The following GLG1 variants were observed in gnomAD, a reference collection of about 807,000 sequenced individuals.
The protein encoded by GLG1 is golgi glycoprotein 1.
GLG1 carries 38 observed loss-of-function variants against 160.5 expected under a neutral mutation model. The ratio of observed to expected loss-of-function variants is 0.24; its 90% CI spans 0.18 to 0.31. GLG1 has a LOEUF of 0.31. Among genes scored for constraint, GLG1 ranks in the 10% least tolerant of loss-of-function variants. The probability of loss-of-function intolerance (pLI) is 1.00; values close to 1 mark genes in which losing one functional copy is unlikely to be tolerated. For missense variants in GLG1, 1,373 were observed against 1,505.2 expected (o/e 0.91, Z 1.45); for synonymous variants, 644 against 543.4 (o/e 1.19, Z -2.57).
chr16:74,572,311 G>A (rs1174820536), intron 1 of GLG1, among the ~76,000 whole-genome samples: 2 of 152,140 alleles, frequency 1.3e-5, no homozygotes, highest in Non-Finnish European at 2.9e-5. Context: ...AGGAGTTCAA[G>A]ACAAGCCTGG....
At chr16:74,543,390 C>G (rs2017957506) in intron 1 of GLG1, among the ~76,000 whole-genome samples, 4 of 152,182 alleles carry the variant, frequency 2.6e-5, no homozygotes, top group African/African-American at 7.2e-5. Context: ...TTTCTTAAGA[C>G]CAGGAGTTGG....
chr16:74,489,421 A>G (rs1448739445), intron 8 of GLG1, among the ~76,000 whole-genome samples: 1 of 151,644 alleles, frequency 6.6e-6, no homozygotes, highest in Admixed American at 6.6e-5. Flanking sequence ...CTATGAGCAG[A>G]GGTTGCGCCA....
intron 1 of GLG1, among the ~76,000 whole-genome samples, chr16:74,581,669 G>A (rs560346265): frequency 6.6e-5 from 10 of 152,172 alleles, no homozygotes; most frequent in South Asian, 2.1e-4. Context: ...CCAGCACCTC[G>A]GGATGTTGAG....
intron 9 of GLG1, among the ~76,000 whole-genome samples, chr16:74,485,250 G>C (rs560623703): frequency 6.6e-6 from 1 of 152,286 alleles, no homozygotes; most frequent in East Asian, 1.9e-4. Flanking sequence ...TAAAACTAAA[G>C]AATGAGAATA....
intron 8 of GLG1, 110 bp from the exon 9 acceptor site, chr16:74,486,027 A>G (rs2143343497): frequency 1.2e-6 from 1 of 800,628 alleles, no homozygotes; most frequent in Non-Finnish European, 2.0e-6. Context: ...ATGTACTCCA[A>G]TAAAGTTGTC....
At chr16:74,574,892 A>G (rs1360666679) in intron 1 of GLG1, among the ~76,000 whole-genome samples, 1 of 87,488 alleles carries the variant, frequency 1.1e-5, no homozygotes, top group African/African-American at 3.9e-5. Flanking sequence ...TCAAAAAAAA[A>G]AAAAAAAAAA....
chr16:74,466,311 T>C (rs967823936), intron 18 of GLG1, among the ~76,000 whole-genome samples: 4 of 152,126 alleles, frequency 2.6e-5, no homozygotes, highest in African/African-American at 9.7e-5. Flanking sequence ...GTAACTATGA[T>C]TAGAAAAAGA....
Position 74,491,093 on chromosome 16 carries a change from A to T in GLG1, c.1357T>A (p.Ser453Thr). 1 of 1,614,102 alleles carries T rather than the reference A, an allele frequency of 6.2e-7. No individual in the cohort carries two copies. The highest frequency in any genetic ancestry group is 1.1e-5 in the South Asian group (1 of 91,082). Residue 453 changes from serine to threonine, a missense_variant, in exon 8 of 26, where the codon TCC becomes ACC. Ser to Thr is a moderately conservative substitution (Grantham distance 58). Transcript: ENST00000422840. Reference sequence around the variant, plus strand: ...GTCCGCCCTTTTCGATGTAATCCGGAACAATGGTGTTCAATCTCCCCCCGA... The same window carrying T: ...GTCCGCCCTTTTCGATGTAATCCGGTACAATGGTGTTCAATCTCCCCCCGA... ...SCRGEIEHHC[S>T]GLHRKGRTLH... is the part of the protein sequence containing the mutation.
At position 74,465,822 on chromosome 16, in the gene GLG1, A is replaced by G. The variant is rs374671987; in HGVS notation, c.2530-9T>C. On this transcript the variant is annotated splice_polypyrimidine_tract_variant and intron_variant, in intron 18 of 25. Transcript: ENST00000422840. ...TTCAGACATTCGATAATCTATGGCA[A>G]AAGAGTTATAGTCAAGTTGAGAGAT... The G allele has an allele frequency of 8.7e-6, 14 of 1,613,142 alleles. No homozygotes were observed. The highest frequency in any genetic ancestry group is 6.7e-5 in the African/African-American group (5 of 75,022).
chr16:74,496,602 C>T lies in GLG1; in HGVS notation c.817G>A (p.Gly273Ser), dbSNP rs1304498020. Residue 273 changes from glycine (G) to serine (S), a missense_variant, in exon 5 of 26, where the codon GGC becomes AGC. Transcript: ENST00000422840. Reference sequence around the variant, plus strand: ...CTTTCTTCTGCTTCTTTCACCAGGCCTTTCTCCAAGCATGATACCACCTCA... The same window carrying T: ...CTTTCTTCTGCTTCTTTCACCAGGCTTTTCTCCAAGCATGATACCACCTCA... ...QGEVVSCLEKGLVKEAEEREP... is the reference protein window; with the variant it reads ...QGEVVSCLEKSLVKEAEEREP... 6.2e-7 allele frequency: 1 copy of T among 1,613,290 alleles called. No homozygotes were observed. The highest frequency in any genetic ancestry group is 1.1e-5 in the South Asian group (1 of 91,056).
chr16:74,544,007 T>C (rs1297016007), intron 1 of GLG1, among the ~76,000 whole-genome samples: 1 of 152,208 alleles, frequency 6.6e-6, no homozygotes, highest in Non-Finnish European at 1.5e-5. Flanking sequence ...GAAAATATTG[T>C]TATAGAAATG....
At position 74,454,644 on chromosome 16, in the gene GLG1, C is replaced by T. The variant is rs1200894746; in HGVS notation, c.3373-1310G>A. 5.4e-5 allele frequency among the ~76,000 whole-genome samples: 6 copies of T among 110,566 alleles called. No homozygotes were observed. In the East Asian group the frequency reaches 1.2e-3, roughly 22 times the overall value. 72.5% of individuals were successfully genotyped at this position (110,566 alleles called of 152,430 possible). A position where few individuals can be genotyped will look rare whatever the true frequency, so the allele number is the denominator to read the frequency against. On this transcript the variant is annotated intron_variant, in intron 25 of 25. Coordinates refer to ENST00000422840, the MANE Select transcript of GLG1 (RefSeq NM_001145667.2). The stretch of plus-strand genomic sequence containing the variant: ...CTGCACTACTGGACTCCAGCCTGGG[C>T]AACAGGACGAGAATCCGTCCCCAAA...
At chr16:74,468,917 T>TTCTGGGAGCAGAG (rs762908116) in intron 17 of GLG1, 29 bp downstream of exon 17, 23 of 1,390,136 alleles carry the variant, frequency 1.7e-5, no homozygotes, top group Non-Finnish European at 2.2e-5. Context: ...CCACTGTGGT[T>TTCTGGGAGCAGAG]TCTGGGAGCA....
Position 74,491,017 on chromosome 16 carries a change from A to C in GLG1, c.1433T>G (p.Met478Arg). 6.2e-7 allele frequency: 1 copy of C among 1,613,668 alleles called. No individual in the cohort carries two copies. The highest frequency in any genetic ancestry group is 2.2e-5 in the East Asian group (1 of 44,880). The change falls in exon 8 of 26, where the codon ATG (methionine) becomes AGG (arginine). Residue 478 changes from methionine to arginine, a missense_variant. Physicochemically the swap from Met to Arg is moderately conservative, Grantham distance 91. This residue lies in a region of GLG1 where 386 missense variants were observed against 388.5 expected (regional missense o/e 0.99). Transcript: ENST00000422840. ...TCTCCTTACCGCCTGCTGGCAGTTC[A>C]TTCCAAGGTTCCCCTTCTCCCCTCG... ...VVRGEKGNLG[M>R]NCQQALQTLI...
Position 74,580,488 on chromosome 16 carries a change from G to A in GLG1, c.438+26169C>T, listed in dbSNP as rs181163017. ...CACTCCAGCATAGGAAACAGAGAGAGACCCTATTTCAAAAAGAAAAATTTT... is the reference window on the plus strand; with the variant it reads ...CACTCCAGCATAGGAAACAGAGAGAAACCCTATTTCAAAAAGAAAAATTTT... On this transcript the variant is annotated intron_variant, in intron 1 of 25. Coordinates refer to ENST00000422840, the MANE Select transcript of GLG1 (RefSeq NM_001145667.2). Among the ~76,000 whole-genome samples the A allele has an allele frequency of 4.5e-3, 687 of 152,134 alleles. 3 individuals carry two copies. Among genetic ancestry groups the A allele is most frequent in the Non-Finnish European group, 7.2e-3 (490 of 68,000 alleles).
intron 1 of GLG1, among the ~76,000 whole-genome samples, chr16:74,534,969 G>A (rs2017647508): frequency 6.6e-6 from 1 of 152,160 alleles, no homozygotes. Flanking sequence ...ATGAGCAGAG[G>A]ATTTAAATGT....
At chr16:74,586,080 A>C (rs980219972) in intron 1 of GLG1, among the ~76,000 whole-genome samples, 1 of 150,574 alleles carries the variant, frequency 6.6e-6, no homozygotes, top group Non-Finnish European at 1.5e-5. Flanking sequence ...AAAAAAAAAA[A>C]CAAGAACAGG....
At chr16:74,575,349 A>G (rs990194453) in intron 1 of GLG1, among the ~76,000 whole-genome samples, 1 of 152,220 alleles carries the variant, frequency 6.6e-6, no homozygotes, top group Admixed American at 6.5e-5. Context: ...ACGTACCACT[A>G]GGGGAGAAAT....
At chr16:74,586,637 G>C (rs575014429) in intron 1 of GLG1, among the ~76,000 whole-genome samples, 1 of 151,902 alleles carries the variant, frequency 6.6e-6, no homozygotes, top group Non-Finnish European at 1.5e-5. Context: ...ACCACGCCTG[G>C]CTAATTTTTT....
Sources: gnomAD v4.1 joint callset for allele counts (sites outside exome capture counted in the v4.1 genomes callset) on GRCh38, gnomAD v4.1.1 for gene constraint, gnomAD v4.1.1 regional missense constraint, MANE v1.5 for transcripts, NCBI Gene and HGNC (gene_info 2026-07-23, HGNC 2026-07-21) for gene names.